Variants in CEACAM20 observed in about 807,000 individuals in gnomAD.
CEACAM20 encodes cell adhesion molecule CEACAM20.
A neutral mutation model predicts 61.2 loss-of-function variants in CEACAM20; 50 were observed. The ratio of observed to expected loss-of-function variants is 0.82; its 90% CI spans 0.65 to 1.03. CEACAM20 has a LOEUF of 1.03. Among genes scored for constraint, CEACAM20 ranks in the 50% least tolerant of loss-of-function variants. The pLI, the probability that CEACAM20 is intolerant of heterozygous loss-of-function variation, is 0.00. For missense variants in CEACAM20, 683 were observed against 736.4 expected (o/e 0.93, Z 0.84); for synonymous variants, 282 against 287.7 (o/e 0.98, Z 0.20).
At position 44,523,484 on chromosome 19, in the gene CEACAM20, T is replaced by C. The variant is rs745379705; in HGVS notation, c.472+502A>G. Among the ~76,000 whole-genome samples the C allele has an allele frequency of 4.0e-4, 61 of 152,140 alleles. No homozygotes were observed. The Middle Eastern group carries it at 0.01, about 25-fold the overall frequency. On this transcript the variant is annotated intron_variant, in intron 3 of 11. Transcript: ENST00000614924. ...AGCTAATGCTCTTTGCTCACCCCTATCCAGGCAAGGTTTTGGATCAAACGT... is the reference window on the plus strand; with the variant it reads ...AGCTAATGCTCTTTGCTCACCCCTACCCAGGCAAGGTTTTGGATCAAACGT...
rs1314958627 is a variant in CEACAM20 at position 44,512,014 on chromosome 19, C to T, written c.1575+3G>A. 1.9e-6 allele frequency: 3 copies of T among 1,607,376 alleles called. No homozygotes were observed. Among genetic ancestry groups the T allele is most frequent in the Non-Finnish European group, 2.5e-6 (3 of 1,177,052 alleles). On this transcript the variant is annotated splice_donor_region_variant and intron_variant, in intron 9 of 11. Transcript: ENST00000614924. ...GGAGGGTTCCCTCTGCAGCATCACT[C>T]ACCAGTTCGACTCTGATCCGTCCCT...
intron 7 of CEACAM20, 40 bp from the exon 8 acceptor site, chr19:44,512,993 C>A: frequency 6.5e-7 from 1 of 1,536,368 alleles, no homozygotes; most frequent in Non-Finnish European, 8.9e-7. Context: ...GCCTCTAGTC[C>A]TTGCCCATCT....
rs1246648795 is a variant in CEACAM20, at chr19:44,506,211, G to A, written c.1741C>T (p.Leu581Phe). ...TAAGTGTTGGGCTCTGGATTCACAA[G>A]CTCCTGTTAAACAAAGAGAAAATGT... ...PKNMESIYEE[L>F]VNPEPNTYIQ... The change falls in exon 12 of 12, where the codon CTT (leucine) becomes TTT (phenylalanine). Residue 581 changes from leucine (L) to phenylalanine (F), a missense_variant. Leu to Phe is a conservative substitution (Grantham distance 22). Transcript: ENST00000614924. 1 of 1,613,610 alleles carries A rather than the reference G, an allele frequency of 6.2e-7. No homozygotes were observed. Among genetic ancestry groups the A allele is most frequent in the Admixed American group, 1.7e-5 (1 of 59,984 alleles).
At chr19:44,509,637 G>T (rs925493942) in intron 11 of CEACAM20, among the ~76,000 whole-genome samples, 6 of 152,162 alleles carry the variant, frequency 3.9e-5, no homozygotes, top group African/African-American at 1.4e-4. Context: ...CAGTAGAATG[G>T]AATGGAATAG....
intron 6 of CEACAM20, 93 bp from the exon 7 acceptor site, chr19:44,513,382 C>A: frequency 4.0e-6 from 3 of 748,446 alleles, no homozygotes; most frequent in East Asian, 2.9e-5. Flanking sequence ...TCTCTACTGA[C>A]ATTTTGTGAG....
chr19:44,524,072 T>C lies in CEACAM20; in HGVS notation c.386A>G (p.Gln129Arg), dbSNP rs765128480. The change falls in exon 3 of 12, where the codon CAG (glutamine) becomes CGG (arginine). Residue 129 changes from glutamine (Q) to arginine (R), a missense_variant. By Grantham distance (43) the Gln-to-Arg change is conservative (BLOSUM62 1). Transcript: ENST00000614924. Reference protein sequence around the residue: ...DGKILTILIVQREDSGTYQCE... With the variant: ...DGKILTILIVRREDSGTYQCE... Reference sequence around the variant, plus strand: ...TTGGTAAGTCCCTGAGTCCTCCCGCTGGACAATGAGAATGGTGAGGATCTT... The same window carrying C: ...TTGGTAAGTCCCTGAGTCCTCCCGCCGGACAATGAGAATGGTGAGGATCTT... 6.3e-7 allele frequency: 1 copy of C among 1,584,652 alleles called. No homozygotes were observed. The highest frequency in any genetic ancestry group is 8.6e-7 in the Non-Finnish European group (1 of 1,165,240).
At chr19:44,518,103 A>AAAGAAAGAAAGAAAGAAAGG (rs1971232127) in intron 5 of CEACAM20, among the ~76,000 whole-genome samples, 2 of 42,866 alleles carry the variant, frequency 4.7e-5, no homozygotes, top group African/African-American at 8.6e-5. Context: ...AGAAAGAAAG[A>AAAGAAAGAAAGAAAGAAAGG]AAGGAAGGAA....
chr19:44,524,876 CA>C (rs1224626440), intron 2 of CEACAM20, among the ~76,000 whole-genome samples: 2 of 151,174 alleles, frequency 1.3e-5, no homozygotes, highest in Non-Finnish European at 2.9e-5. Context: ...GAACTGCACC[CA>C]GCCCCCCTAC....
chr19:44,513,285 G>A lies in CEACAM20; in HGVS notation c.1314C>T (p.Pro438=). ...STSVLVKVVG[P]QSSSLSSGAI... is the part of the protein sequence containing the mutation. ...CCCCTGAGGACAGGGAGGAGGACTG[G>A]GGACCTGGGCAAGGAGACAGAATCA... The change falls in exon 7 of 12, where the codon CCC becomes CCT. Residue 438 remains proline, a synonymous_variant. Coordinates refer to ENST00000614924, the MANE Select transcript of CEACAM20 (RefSeq NM_001102597.3). 1.9e-6 allele frequency: 3 copies of A among 1,610,626 alleles called. No homozygotes were observed. The highest frequency in any genetic ancestry group is 2.2e-5 in the East Asian group (1 of 44,830).
chr19:44,509,519 A>T (rs374063447), intron 11 of CEACAM20, among the ~76,000 whole-genome samples: 5 of 152,162 alleles, frequency 3.3e-5, no homozygotes, highest in Non-Finnish European at 7.4e-5. Context: ...GAATGGAATG[A>T]CTTGAAAAGA....
At chr19:44,510,907 GAGA>G in intron 11 of CEACAM20, 120 bp downstream of exon 11, 2 of 1,148,490 alleles carry the variant, frequency 1.7e-6, no homozygotes, top group Non-Finnish European at 1.2e-6. Context: ...GGATGGAATT[GAGA>G]AGATTTTTAA....
At chr19:44,516,482 A>C (rs1438754594) in intron 6 of CEACAM20, among the ~76,000 whole-genome samples, 1 of 152,024 alleles carries the variant, frequency 6.6e-6, no homozygotes, top group Non-Finnish European at 1.5e-5. Context: ...ACGAGATCTG[A>C]TGGTTTTATA....
chr19:44,518,081 G>GAGAGAAAGAAA (rs1971225062), intron 5 of CEACAM20, among the ~76,000 whole-genome samples: 1 of 106,010 alleles, frequency 9.4e-6, no homozygotes, highest in Non-Finnish European at 1.7e-5. Context: ...AAAGGAAAGA[G>GAGAGAAAGAAA]GAAAGAAAGA....
intron 1 of CEACAM20, among the ~76,000 whole-genome samples, chr19:44,526,276 A>G (rs549382213): frequency 6.6e-6 from 1 of 152,222 alleles, no homozygotes; most frequent in South Asian, 2.1e-4. Context: ...TGGGAGGCTG[A>G]AGTGGGAGGA....
chr19:44,520,742 G>A lies in CEACAM20; in HGVS notation c.762C>T (p.Thr254=). ...TLKVRVLETL[T]MPQVVPSSLN... is the part of the protein sequence containing the mutation. ...GGCTTGAAGGCACGACTTGAGGCAT[G>A]GTCAGTGTTTCTGGAAACACGTGGA... The change falls in exon 5 of 12, where the codon ACC becomes ACT. Residue 254 remains threonine (T), a synonymous_variant. Coordinates refer to ENST00000614924, the MANE Select transcript of CEACAM20 (RefSeq NM_001102597.3). 1 of 1,612,380 alleles carries A rather than the reference G, an allele frequency of 6.2e-7. No homozygotes were observed. The highest frequency in any genetic ancestry group is 1.7e-4 in the Middle Eastern group (1 of 6,052).
chr19:44,518,572 C>G (rs1169469627), intron 5 of CEACAM20, among the ~76,000 whole-genome samples: 1 of 151,166 alleles, frequency 6.6e-6, no homozygotes, highest in African/African-American at 2.4e-5. Flanking sequence ...GACCCTGTCT[C>G]TATTTAAAAA....
At chr19:44,528,080 CT>C (rs1242429391) in intron 1 of CEACAM20, among the ~76,000 whole-genome samples, 1 of 152,076 alleles carries the variant, frequency 6.6e-6, no homozygotes, top group Non-Finnish European at 1.5e-5. Context: ...TTCCCTGTCT[CT>C]TTGTCCTCTG....
intron 1 of CEACAM20, among the ~76,000 whole-genome samples, chr19:44,528,788 TGTCTGTTTCTCTCTCTGC>T (rs1971616201): frequency 6.7e-6 from 1 of 149,090 alleles, no homozygotes; most frequent in Non-Finnish European, 1.5e-5. Context: ...TGTCTCTCTG[TGTCTGTTTCTCTCTCTGC>T]CTCTGTCACT....
intron 3 of CEACAM20, among the ~76,000 whole-genome samples, chr19:44,523,365 C>T (rs1394436205): frequency 6.6e-6 from 1 of 152,026 alleles, no homozygotes; most frequent in East Asian, 1.9e-4. Flanking sequence ...GCTATGATTG[C>T]ACCACTGCAC....
Sources: allele counts gnomAD v4.1 joint callset (sites outside exome capture counted in the v4.1 genomes callset), GRCh38; gene constraint gnomAD v4.1.1; transcripts MANE v1.5; gene names NCBI Gene and HGNC (gene_info 2026-07-23, HGNC 2026-07-21).